The following ANK3 variants were observed in gnomAD, a reference collection of about 807,000 sequenced individuals.
ANK3 encodes the protein ankyrin-3.
A neutral mutation model predicts 370.9 loss-of-function variants in ANK3; 57 were observed. That is an observed-to-expected ratio of 0.15 (90% CI 0.12 to 0.19). ANK3 has a LOEUF of 0.19. Among genes scored for constraint, ANK3 ranks in the 10% least tolerant of loss-of-function variants. The pLI is 1.00. For synonymous variants in ANK3, 1,929 were observed against 1,946.3 expected (o/e 0.99, Z 0.23); for missense variants, 4,439 against 5,302.1 (o/e 0.84, Z 5.06).
intron 1 of ANK3, among the ~76,000 whole-genome samples, chr10:60,291,454 G>A (rs115017225): frequency 0.024 from 3,709 of 152,080 alleles, 137 homozygotes; most frequent in African/African-American, 0.081. Flanking sequence ...TTACTGTGCT[G>A]CAGACACAAA....
intron 2 of ANK3, among the ~76,000 whole-genome samples, chr10:60,488,388 A>T (rs1257630487): frequency 2.6e-5 from 4 of 152,224 alleles, no homozygotes; most frequent in African/African-American, 9.6e-5. Context: ...AATATTTTTT[A>T]AAATGTTTTG....
At chr10:60,035,551 C>T (rs191885959) in intron 43 of ANK3, among the ~76,000 whole-genome samples, 21 of 151,556 alleles carry the variant, frequency 1.4e-4, no homozygotes, top group Admixed American at 5.9e-4. Context: ...CTGCGCCCGG[C>T]CAAAAAGAGA....
rs758760055 is a variant in ANK3, at chr10:60,069,871, A to G, written c.11010T>C (p.Asn3670=). The G allele has an allele frequency of 1.2e-6, 2 of 1,613,834 alleles. No individual in the cohort carries two copies. Among genetic ancestry groups the G allele is most frequent in the South Asian group, 2.2e-5 (2 of 91,066 alleles). ...PQSGDTTVET[N]LERNVETPTV... is the part of the protein sequence containing the mutation. ...TAGGTGTCTCTACATTTCTCTCTAG[A>G]TTGGTTTCTACAGTGGTGTCCCCTG... The change falls in exon 37 of 44, where the codon AAT becomes AAC. Residue 3670 remains asparagine, a synonymous_variant. Coordinates refer to ENST00000280772, the MANE Select transcript of ANK3 (RefSeq NM_020987.5).
At chr10:60,079,735 T>C (rs1589688068) in intron 36 of ANK3, among the ~76,000 whole-genome samples, 1 of 152,154 alleles carries the variant, frequency 6.6e-6, no homozygotes, top group East Asian at 1.9e-4. Flanking sequence ...CCTTAGTTCC[T>C]GCTGGTGGAG....
chr10:60,263,797 G>T, intron 6 of ANK3, 38 bp downstream of exon 6: 1 of 1,610,998 alleles, frequency 6.2e-7, no homozygotes, highest in Non-Finnish European at 8.5e-7. Flanking sequence ...TCTAACACCG[G>T]AGAGTTGCAT....
At chr10:60,169,374 T>TG (rs1565439223) in intron 21 of ANK3, among the ~76,000 whole-genome samples, 13 of 150,426 alleles carry the variant, frequency 8.6e-5, no homozygotes, top group Non-Finnish European at 1.6e-4. Flanking sequence ...GTTTTTTTTT[T>TG]TTTTTTTTTT....
chr10:60,583,525 GTT>G (rs112679282), intron 2 of ANK3, among the ~76,000 whole-genome samples: 9 of 87,484 alleles, frequency 1.0e-4, no homozygotes, highest in East Asian at 4.3e-4. Flanking sequence ...TTTGTTTTTT[GTT>G]TTTTTTTGAG....
intron 28 of ANK3, among the ~76,000 whole-genome samples, chr10:60,098,352 C>T (rs954385731): frequency 6.6e-6 from 1 of 151,954 alleles, no homozygotes; most frequent in Non-Finnish European, 1.5e-5. Context: ...CCATTTCATT[C>T]CATTAAAGAA....
chr10:60,195,766 C>T (rs191310127), intron 16 of ANK3, among the ~76,000 whole-genome samples: 1 of 152,212 alleles, frequency 6.6e-6, no homozygotes, highest in Non-Finnish European at 1.5e-5. Flanking sequence ...TTACTAAATG[C>T]AAATAAACAA....
intron 1 of ANK3, among the ~76,000 whole-genome samples, chr10:60,673,108 TAA>T (rs1303032077): frequency 2.6e-5 from 4 of 151,472 alleles, no homozygotes; most frequent in Non-Finnish European, 5.9e-5. Flanking sequence ...CTATAAAAGG[TAA>T]AAGAGTTCAT....
chr10:60,413,155 T>C (rs2063593730), intron 2 of ANK3, among the ~76,000 whole-genome samples: 1 of 152,264 alleles, frequency 6.6e-6, no homozygotes, highest in South Asian at 2.1e-4. Flanking sequence ...TAGCCACTTC[T>C]TCCTCAGTAA....
At chr10:60,305,821 C>T (rs2044916915) in intron 1 of ANK3, among the ~76,000 whole-genome samples, 1 of 152,182 alleles carries the variant, frequency 6.6e-6, no homozygotes, top group Non-Finnish European at 1.5e-5. Context: ...GCTGAATCCC[C>T]AAAGGGTGAG....
chr10:60,723,788 TACAA>T (rs2079898323), intron 1 of ANK3, among the ~76,000 whole-genome samples: 1 of 152,074 alleles, frequency 6.6e-6, no homozygotes. Flanking sequence ...ATCTCAGAAT[TACAA>T]ACAGTGAGTA....
At chr10:60,386,031 C>T (rs1465739558) in intron 1 of ANK3, among the ~76,000 whole-genome samples, 1 of 152,170 alleles carries the variant, frequency 6.6e-6, no homozygotes, top group Non-Finnish European at 1.5e-5. Flanking sequence ...AAAGAGAGCA[C>T]GTGTGACTTC....
intron 2 of ANK3, among the ~76,000 whole-genome samples, chr10:60,518,665 C>T (rs552808863): frequency 1.9e-4 from 29 of 152,238 alleles, no homozygotes; most frequent in African/African-American, 6.7e-4. Flanking sequence ...TTCCAACTCC[C>T]AATCTCACGG....
chr10:60,394,137 A>G (rs1273429263), upstream of ANK3, among the ~76,000 whole-genome samples: 1 of 149,246 alleles, frequency 6.7e-6, no homozygotes, highest in African/African-American at 2.5e-5. Context: ...ATCCGGATCC[A>G]CGATCATTTC....
At chr10:60,289,564 T>C (rs1351274731) in intron 1 of ANK3, among the ~76,000 whole-genome samples, 1 of 151,930 alleles carries the variant, frequency 6.6e-6, no homozygotes, top group Non-Finnish European at 1.5e-5. Context: ...CACACCTGGC[T>C]AATTTTTGTA....
At chr10:60,719,538 A>C (rs927640261) in intron 1 of ANK3, among the ~76,000 whole-genome samples, 7 of 152,144 alleles carry the variant, frequency 4.6e-5, no homozygotes, top group Non-Finnish European at 1.0e-4. Context: ...AATCTGAAAA[A>C]TAAAATGCTA....
At chr10:60,580,765 G>A (rs1361664118) in intron 2 of ANK3, among the ~76,000 whole-genome samples, 1 of 152,052 alleles carries the variant, frequency 6.6e-6, no homozygotes, top group Non-Finnish European at 1.5e-5. Flanking sequence ...AACTGAAAAT[G>A]TCCCCAAATA....
Sources: allele counts gnomAD v4.1 joint callset (sites outside exome capture counted in the v4.1 genomes callset), GRCh38; gene constraint gnomAD v4.1.1; transcripts MANE v1.5; gene names NCBI Gene and HGNC (gene_info 2026-07-23, HGNC 2026-07-21).